Variants in RALGAPA1 observed in about 807,000 individuals in gnomAD.
RALGAPA1 encodes the protein Ral GTPase activating protein catalytic subunit alpha 1.
Under a neutral mutation model 269.6 loss-of-function variants are expected in RALGAPA1, and 52 were observed. The ratio of observed to expected loss-of-function variants is 0.19; its 90% confidence interval spans 0.15 to 0.24. The LOEUF (loss-of-function observed/expected upper bound fraction) is 0.24. Among genes scored for constraint, RALGAPA1 ranks in the 10% least tolerant of loss-of-function variants. The pLI, the probability that RALGAPA1 is intolerant of heterozygous loss-of-function variation, is 1.00. For synonymous variants in RALGAPA1, 817 were observed against 1,008.3 expected, an observed-to-expected ratio of 0.81 and a Z score of 3.60; for missense variants, 1,917 against 3,013.9, an observed-to-expected ratio of 0.64 and a Z score of 8.52.
intron 18 of RALGAPA1, among the ~76,000 whole-genome samples, chr14:35,687,752 A>G (rs2066081989): frequency 6.6e-6 from 1 of 152,212 alleles, no homozygotes; most frequent in Non-Finnish European, 1.5e-5. Flanking sequence ...CTACTGTGAA[A>G]CCTTTATGCA....
Position 35,742,585 on chromosome 14 carries a change from T to A in RALGAPA1, c.1252-20A>T, listed in dbSNP as rs779288943. The A allele has an allele frequency of 4.0e-5, 62 of 1,545,270 alleles. No homozygotes were observed. Among genetic ancestry groups the A allele is most frequent in the South Asian group, 1.1e-5 (1 of 89,476 alleles). Reference sequence around the variant, plus strand: ...AAATGCCTAGGGAAAAAAAGGAGAATCAAGATAATGATACTTTTTCCTTTG... The same window carrying A: ...AAATGCCTAGGGAAAAAAAGGAGAAACAAGATAATGATACTTTTTCCTTTG... On this transcript the variant is annotated intron_variant, in intron 10 of 41. Coordinates refer to ENST00000680220, the MANE Select transcript of RALGAPA1 (RefSeq NM_001346249.2).
At chr14:35,794,670 G>C (rs1343919299) in intron 1 of RALGAPA1, among the ~76,000 whole-genome samples, 9 of 152,152 alleles carry the variant, frequency 5.9e-5, no homozygotes, top group Non-Finnish European at 1.2e-4. Flanking sequence ...TGTTAGCCAG[G>C]ATGGTCTCAT....
intron 39 of RALGAPA1, among the ~76,000 whole-genome samples, chr14:35,561,044 A>G (rs1234639782): frequency 1.3e-5 from 2 of 151,802 alleles, no homozygotes; most frequent in Non-Finnish European, 2.9e-5. Flanking sequence ...CCTGGCCAAC[A>G]TGGTGAAACC....
intron 4 of RALGAPA1, among the ~76,000 whole-genome samples, chr14:35,763,524 TAA>T (rs1359117231): frequency 2.0e-5 from 3 of 152,158 alleles, no homozygotes; most frequent in Non-Finnish European, 2.9e-5. Context: ...TTTATTTTTT[TAA>T]AAAGTTATTT....
At chr14:35,775,843 TC>T in intron 1 of RALGAPA1, 98 bp from the exon 2 acceptor site, 1 of 1,160,314 alleles carries the variant, frequency 8.6e-7, no homozygotes, top group Non-Finnish European at 1.1e-6. Context: ...AAAGAACTGC[TC>T]CTAAAATTCT....
chr14:35,543,019 T>C (rs1460070966), intron 41 of RALGAPA1, among the ~76,000 whole-genome samples: 1 of 152,212 alleles, frequency 6.6e-6, no homozygotes, highest in Non-Finnish European at 1.5e-5. Flanking sequence ...GATATAGCCC[T>C]ATAAAATATT....
chr14:35,773,704 C>T (rs2074803134), intron 3 of RALGAPA1, among the ~76,000 whole-genome samples: 1 of 151,958 alleles, frequency 6.6e-6, no homozygotes, highest in South Asian at 2.1e-4. Flanking sequence ...CATGCAAACA[C>T]TTCAGGAAGT....
chr14:35,786,415 G>A (rs1336252448), intron 1 of RALGAPA1, among the ~76,000 whole-genome samples: 4 of 152,106 alleles, frequency 2.6e-5, no homozygotes, highest in South Asian at 2.1e-4. Context: ...TGAGGCGGGC[G>A]GATCACGAGG....
chr14:35,618,536 T>A (rs2060401298), intron 35 of RALGAPA1, among the ~76,000 whole-genome samples: 1 of 152,136 alleles, frequency 6.6e-6, no homozygotes, highest in African/African-American at 2.4e-5. Flanking sequence ...AAGAGTTGTT[T>A]TCATCAGAAT....
chr14:35,672,109 T>C (rs2064504981), intron 25 of RALGAPA1, among the ~76,000 whole-genome samples: 2 of 152,166 alleles, frequency 1.3e-5, no homozygotes, highest in South Asian at 4.1e-4. Context: ...ACAAAAGCTC[T>C]CTTCTTCTAA....
chr14:35,593,314 A>G (rs1054264264), intron 37 of RALGAPA1, among the ~76,000 whole-genome samples: 1 of 152,206 alleles, frequency 6.6e-6, no homozygotes, highest in Non-Finnish European at 1.5e-5. Context: ...TGAAAACTAT[A>G]AAACATTGAT....
At chr14:35,740,963 G>T (rs1352420907) in intron 11 of RALGAPA1, among the ~76,000 whole-genome samples, 1 of 151,756 alleles carries the variant, frequency 6.6e-6, no homozygotes, top group East Asian at 1.9e-4. Flanking sequence ...ATACCTTTTG[G>T]GTTTGGTCCA....
Position 35,557,136 on chromosome 14 carries a change from G to GTGTGTA in RALGAPA1, c.7497-7903_7497-7902insTACACA, listed in dbSNP as rs372185798. On this transcript the variant is annotated intron_variant, in intron 39 of 41. Coordinates refer to ENST00000680220, the MANE Select transcript of RALGAPA1 (RefSeq NM_001346249.2). The stretch of plus-strand genomic sequence containing the variant: ...TGTGTGTGTGTGTGTGTGTGTGTGT[G>GTGTGTA]TATATATATTCTATTTTCATGAAAG... Among the ~76,000 whole-genome samples, 770 of 148,148 alleles carry GTGTGTA rather than the reference G, an allele frequency of 5.2e-3. 2 individuals carry two copies. Among genetic ancestry groups the GTGTGTA allele is most frequent in the Admixed American group, 8.5e-3 (127 of 14,882 alleles).
chr14:35,697,881 T>C (rs1439939173), intron 17 of RALGAPA1, among the ~76,000 whole-genome samples: 1 of 152,176 alleles, frequency 6.6e-6, no homozygotes, highest in Non-Finnish European at 1.5e-5. Context: ...AAAAAAATGA[T>C]TTTTAATTCA....
chr14:35,639,208 G>A (rs189854094), intron 31 of RALGAPA1, among the ~76,000 whole-genome samples: 1 of 152,284 alleles, frequency 6.6e-6, no homozygotes, highest in East Asian at 1.9e-4. Context: ...ATGATAAAGG[G>A]ATTAATTCAG....
At chr14:35,589,520 C>G (rs189421391) in intron 37 of RALGAPA1, among the ~76,000 whole-genome samples, 9 of 151,850 alleles carry the variant, frequency 5.9e-5, no homozygotes, top group Non-Finnish European at 1.3e-4. Flanking sequence ...TAAATATATA[C>G]AATTTCAATT....
intron 30 of RALGAPA1, among the ~76,000 whole-genome samples, chr14:35,652,385 C>T (rs921009773): frequency 1.2e-3 from 150 of 130,372 alleles, no homozygotes; most frequent in African/African-American, 4.1e-3. Flanking sequence ...TATATATATA[C>T]ACACACACAT....
intron 41 of RALGAPA1, among the ~76,000 whole-genome samples, chr14:35,545,653 C>A (rs888172347): frequency 2.0e-5 from 3 of 151,696 alleles, no homozygotes; most frequent in Admixed American, 2.0e-4. Flanking sequence ...CATAATACTC[C>A]AAAAAATTAT....
chr14:35,555,863 T>C (rs1311752981), intron 39 of RALGAPA1, among the ~76,000 whole-genome samples: 3 of 152,148 alleles, frequency 2.0e-5, no homozygotes, highest in African/African-American at 7.2e-5. Context: ...TGTTGTGCGG[T>C]GAAAAAGCAA....
Sources: gnomAD v4.1 joint callset for allele counts (sites outside exome capture counted in the v4.1 genomes callset) on GRCh38, gnomAD v4.1.1 for gene constraint, MANE v1.5 for transcripts, NCBI Gene and HGNC (gene_info 2026-07-23, HGNC 2026-07-21) for gene names.